The following ZNF512 variants were observed in gnomAD, a reference collection of about 807,000 sequenced individuals.
ZNF512 encodes zinc finger protein 512.
A neutral mutation model predicts 77.5 loss-of-function variants in ZNF512; 25 were observed. The ratio of observed to expected loss-of-function variants is 0.32; its 90% CI spans 0.23 to 0.45. ZNF512 has a LOEUF of 0.45. ZNF512 is among the 20% of genes least tolerant of loss of function. The pLI, the probability that ZNF512 is intolerant of heterozygous loss-of-function variation, is 1.00. For missense variants in ZNF512, 483 were observed against 692.6 expected (o/e 0.70, Z 3.40); for synonymous variants, 246 against 239.9 (o/e 1.03, Z -0.24).
intron 8 of ZNF512, 43 bp from the exon 9 acceptor site, chr2:27,603,096 CA>C (rs1244007720): frequency 6.2e-7 from 1 of 1,600,678 alleles, no homozygotes; most frequent in South Asian, 1.1e-5. Flanking sequence ...GGGATCATGT[CA>C]AAAGATGTAA....
At chr2:27,591,785 T>A (rs1456186079) in intron 2 of ZNF512, among the ~76,000 whole-genome samples, 1 of 152,194 alleles carries the variant, frequency 6.6e-6, no homozygotes, top group Non-Finnish European at 1.5e-5. Context: ...TCAGTCCCCC[T>A]GCCTTGGCCT....
At chr2:27,602,075 C>T (rs920410238) in intron 7 of ZNF512, among the ~76,000 whole-genome samples, 3 of 152,230 alleles carry the variant, frequency 2.0e-5, no homozygotes, top group Admixed American at 6.5e-5. Context: ...TGAGCCACTG[C>T]GCCCGGCCTG....
intron 7 of ZNF512, among the ~76,000 whole-genome samples, chr2:27,601,737 C>T (rs532844601): frequency 2.6e-5 from 4 of 152,216 alleles, no homozygotes; most frequent in Non-Finnish European, 5.9e-5. Flanking sequence ...CAACCTCCGC[C>T]TCCTGGGTTC....
At position 27,616,312 on chromosome 2, in the gene ZNF512, C is replaced by T. The variant is rs1672876845; in HGVS notation, c.1284C>T (p.Gly428=). The T allele has an allele frequency of 1.9e-6, 3 of 1,613,652 alleles. No individual in the cohort carries two copies. In the East Asian group the frequency reaches 6.7e-5, roughly 36 times the overall value. ...TATCTGGCCTTAAAGCTCACCTGGGCTCTTGTACATTGGTTTGTAACTTTT... is the reference window on the plus strand; with the variant it reads ...TATCTGGCCTTAAAGCTCACCTGGGTTCTTGTACATTGGTTTGTAACTTTT... The part of the protein sequence containing the change: ...SSVSGLKAHL[G]SCTLGNFVAG... The change falls in exon 12 of 14, where the codon GGC becomes GGT. Residue 428 remains glycine (G), a synonymous_variant. Transcript: ENST00000355467.
intron 2 of ZNF512, among the ~76,000 whole-genome samples, chr2:27,593,190 G>A (rs2148008848): frequency 8.5e-6 from 1 of 118,038 alleles, no homozygotes; most frequent in East Asian, 2.5e-4. Context: ...GTGAGACCCT[G>A]TCTCTACACA....
rs146478471 is a variant in ZNF512, at chr2:27,598,156, C to G, written c.179C>G (p.Ser60Trp). 3.7e-6 allele frequency: 6 copies of G among 1,613,956 alleles called. No individual in the cohort carries two copies. In the African/African-American group the frequency reaches 8.0e-5, roughly 22 times the overall value. The change falls in exon 3 of 14, where the codon TCG becomes TGG. Residue 60 changes from serine to tryptophan, a missense_variant. Coordinates refer to ENST00000355467, the MANE Select transcript of ZNF512 (RefSeq NM_032434.4). ...DSLSGSSSASSCEPVSDFPAS... is the reference protein window; with the variant it reads ...DSLSGSSSASWCEPVSDFPAS... ...TTAAGTGGTTCATCGTCTGCATCTT[C>G]GTGTGAACCAGTGAGTGATTTTCCA...
intron 9 of ZNF512, among the ~76,000 whole-genome samples, chr2:27,606,870 G>A (rs1174275449): frequency 6.6e-6 from 1 of 152,106 alleles, no homozygotes; most frequent in Non-Finnish European, 1.5e-5. Context: ...CATGTTTCTA[G>A]ACTCATTCAG....
At chr2:27,592,895 A>G (rs373385286) in intron 2 of ZNF512, among the ~76,000 whole-genome samples, 8 of 143,064 alleles carry the variant, frequency 5.6e-5, no homozygotes, top group East Asian at 2.2e-4. Flanking sequence ...ATGTTGGTCA[A>G]GCTGGTCGTG....
Position 27,621,577 on chromosome 2 carries a change from C to G in ZNF512, c.*116C>G. ...GCTGTTTGTGTAAGGCTGTGACTTTCTCAGCTCCTTCCTCCTGTGTAAATT... is the reference window on the plus strand; with the variant it reads ...GCTGTTTGTGTAAGGCTGTGACTTTGTCAGCTCCTTCCTCCTGTGTAAATT... On this transcript the variant is annotated 3_prime_UTR_variant, in exon 14 of 14. Coordinates refer to ENST00000355467, the MANE Select transcript of ZNF512 (RefSeq NM_032434.4). 9.2e-7 allele frequency: 1 copy of G among 1,091,012 alleles called. No homozygotes were observed. Among genetic ancestry groups the G allele is most frequent in the East Asian group, 2.6e-5 (1 of 38,420 alleles). 67.6% of individuals were successfully genotyped at this position (1,091,012 alleles called of 1,614,324 possible). A position where few individuals can be genotyped will look rare whatever the true frequency, so the allele number is the denominator to read the frequency against.
chr2:27,598,103 C>T lies in ZNF512; in HGVS notation c.126C>T (p.Phe42=), dbSNP rs973180494. 1.9e-6 allele frequency: 3 copies of T among 1,608,726 alleles called. No individual in the cohort carries two copies. Among genetic ancestry groups the T allele is most frequent in the African/African-American group, 1.3e-5 (1 of 74,972 alleles). The part of the protein sequence containing the change: ...RTQCSIKDNS[F]QYTIPHDDSL... ...AGTGCTCCATAAAGGATAATAGTTT[C>T]CAGTACACTATCCCTCATGATGACT... The change falls in exon 3 of 14, where the codon TTC becomes TTT. Residue 42 remains phenylalanine (F), a synonymous_variant. Coordinates refer to ENST00000355467, the MANE Select transcript of ZNF512 (RefSeq NM_032434.4).
At chr2:27,605,019 A>G (rs1241018621) in intron 9 of ZNF512, among the ~76,000 whole-genome samples, 1 of 152,116 alleles carries the variant, frequency 6.6e-6, no homozygotes, top group Non-Finnish European at 1.5e-5. Flanking sequence ...TGCATGTATC[A>G]TTAGTTTATT....
intron 2 of ZNF512, among the ~76,000 whole-genome samples, chr2:27,593,617 A>C (rs1671703794): frequency 6.6e-6 from 1 of 152,168 alleles, no homozygotes. Context: ...ACTGTGTTTC[A>C]AAACAAAACA....
chr2:27,621,082 T>A lies in ZNF512; in HGVS notation c.1396-71T>A, dbSNP rs906015859. On this transcript the variant is annotated intron_variant, in intron 13 of 13. Coordinates refer to ENST00000355467, the MANE Select transcript of ZNF512 (RefSeq NM_032434.4). ...TGCCCTAATCATGCCTTTTTTCCAT[T>A]CTTCCTCCACCTTTCTTTATGTTCT... 3 of 1,536,838 alleles carry A rather than the reference T, an allele frequency of 2.0e-6. No individual in the cohort carries two copies. In the African/African-American group the frequency reaches 4.2e-5, roughly 21 times the overall value.
At chr2:27,583,588 G>A in intron 1 of ZNF512, 70 bp from the exon 2 acceptor site, 2 of 1,592,230 alleles carry the variant, frequency 1.3e-6, no homozygotes, top group South Asian at 2.3e-5. Flanking sequence ...CTGGGCATAG[G>A]GGAATTCGTC....
At chr2:27,591,683 A>G (rs1671588979) in intron 2 of ZNF512, among the ~76,000 whole-genome samples, 1 of 152,234 alleles carries the variant, frequency 6.6e-6, no homozygotes, top group African/African-American at 2.4e-5. Flanking sequence ...TGTCGGGATT[A>G]CAGGCGCGAG....
rs761318677 is a variant in ZNF512 at position 27,583,068 on chromosome 2, T to C, written c.-45T>C. 15 of 1,613,280 alleles carry C rather than the reference T, an allele frequency of 9.3e-6. No individual in the cohort carries two copies. The highest frequency in any genetic ancestry group is 1.3e-5 in the Non-Finnish European group (15 of 1,179,560). On this transcript the variant is annotated 5_prime_UTR_variant, in exon 1 of 14. Coordinates refer to ENST00000355467, the MANE Select transcript of ZNF512 (RefSeq NM_032434.4). ...GAGGAGAGCGGAAGTGGCGTTGGTC[T>C]GGCCGGAGCCCTTGGGTGAAATTGT...
chr2:27,621,436 C>G lies in ZNF512; in HGVS notation c.1679C>G (p.Thr560Ser), dbSNP rs1349047376. 10 of 1,612,130 alleles carry G rather than the reference C, an allele frequency of 6.2e-6. No homozygotes were observed. Among genetic ancestry groups the G allele is most frequent in the Non-Finnish European group, 8.5e-6 (10 of 1,179,866 alleles). Residue 560 changes from threonine (T) to serine (S), a missense_variant, in exon 14 of 14, where the codon ACT becomes AGT. By Grantham distance (58) the Thr-to-Ser change is moderately conservative (BLOSUM62 1). Transcript: ENST00000355467. ...AQFQKVKPPK[T>S]NHKRGRK The stretch of plus-strand genomic sequence containing the variant: ...TTCCAGAAAGTAAAGCCCCCAAAGA[C>G]TAATCATAAACGAGGAAGGAAATAG...
At chr2:27,614,225 T>C (rs1309055128) in intron 10 of ZNF512, among the ~76,000 whole-genome samples, 1 of 152,156 alleles carries the variant, frequency 6.6e-6, no homozygotes, top group Non-Finnish European at 1.5e-5. Context: ...ACCAGAAATA[T>C]AGCTATTTAC....
chr2:27,594,832 C>G (rs1181283229), intron 2 of ZNF512, among the ~76,000 whole-genome samples: 1 of 152,212 alleles, frequency 6.6e-6, no homozygotes, highest in Non-Finnish European at 1.5e-5. Context: ...GCACTCCAGC[C>G]TGGGCAACAT....
Sources: allele counts gnomAD v4.1 joint callset (sites outside exome capture counted in the v4.1 genomes callset), GRCh38; gene constraint gnomAD v4.1.1; transcripts MANE v1.5; gene names NCBI Gene and HGNC (gene_info 2026-07-23, HGNC 2026-07-21).